Variants in ABCB4 observed in about 807,000 individuals in gnomAD.
ABCB4 encodes the protein ATP binding cassette subfamily B member 4, also known as phosphatidylcholine translocator ABCB4.
In ABCB4, 76 loss-of-function variants were observed where a neutral mutation model predicts 145.7. The ratio of observed to expected loss-of-function variants is 0.52; its 90% CI spans 0.43 to 0.63. The LOEUF is 0.63. Ranked by LOEUF, ABCB4 falls within the 30% of genes least tolerant of loss-of-function variation. The probability of loss-of-function intolerance (pLI) is 0.00; values close to 1 mark genes in which losing one functional copy is unlikely to be tolerated. For missense variants in ABCB4, 1,234 were observed against 1,553.1 expected (o/e 0.79, Z 3.45); for synonymous variants, 517 against 566.8 (o/e 0.91, Z 1.25).
At chr7:87,443,986 TA>T (rs1811171659) in intron 10 of ABCB4, among the ~76,000 whole-genome samples, 1 of 152,198 alleles carries the variant, frequency 6.6e-6, no homozygotes, top group Non-Finnish European at 1.5e-5. Flanking sequence ...GAAAAGTACG[TA>T]AGAGATATTC....
At chr7:87,434,277 C>T (rs1356958130) in intron 14 of ABCB4, among the ~76,000 whole-genome samples, 2 of 151,564 alleles carry the variant, frequency 1.3e-5, no homozygotes, top group South Asian at 2.1e-4. Flanking sequence ...TCTATGATAA[C>T]ACCATGATCA....
At chr7:87,392,321 T>C in the ABCB4 span, among the ~76,000 whole-genome samples, 2 of 152,222 alleles carry the variant, frequency 1.3e-5, no homozygotes, top group African/African-American at 4.8e-5. Context: ...CTTGTTAGTG[T>C]CACTTCAGTG....
At chr7:87,382,037 T>G in the ABCB4 span, 1 of 1,572,594 alleles carries the variant, frequency 6.4e-7, no homozygotes, top group Non-Finnish European at 8.7e-7. Context: ...CTAATAGTTC[T>G]ATAGATAAAA....
At chr7:87,420,122 A>C in intron 18 of ABCB4, 47 bp from the exon 19 acceptor site, 1 of 1,555,310 alleles carries the variant, frequency 6.4e-7, no homozygotes, top group East Asian at 2.2e-5. Context: ...TTATGTATGT[A>C]ATTGCACCAG....
the ABCB4 span, among the ~76,000 whole-genome samples, chr7:87,395,549 A>T: frequency 6.6e-6 from 1 of 152,234 alleles, no homozygotes; most frequent in African/African-American, 2.4e-5. Context: ...GTTTATGATC[A>T]GGACTGCCTT....
intron 21 of ABCB4, among the ~76,000 whole-genome samples, chr7:87,415,890 C>T (rs1171280701): frequency 6.6e-6 from 1 of 152,134 alleles, no homozygotes; most frequent in Non-Finnish European, 1.5e-5. Flanking sequence ...TCCAACTGAC[C>T]ATTCTCCCAT....
the ABCB4 span, among the ~76,000 whole-genome samples, chr7:87,394,695 A>G: frequency 3.9e-5 from 6 of 152,158 alleles, no homozygotes; most frequent in Admixed American, 3.9e-4. Flanking sequence ...ATAGCAAAAA[A>G]AATGCCTTTC....
downstream of ABCB4, among the ~76,000 whole-genome samples, chr7:87,400,052 G>C (rs1459662664): frequency 6.6e-6 from 1 of 152,024 alleles, no homozygotes; most frequent in East Asian, 1.9e-4. Flanking sequence ...CTCCTGACAT[G>C]GTCTCTGATC....
At chr7:87,439,976 A>C (rs1381243937) in intron 13 of ABCB4, 139 bp from the exon 14 acceptor site, 2 of 1,293,296 alleles carry the variant, frequency 1.5e-6, no homozygotes, top group Non-Finnish European at 2.1e-6. Context: ...AGATAAATGA[A>C]TTCTGAATTA....
chr7:87,373,794 A>C, the ABCB4 span, among the ~76,000 whole-genome samples: 1 of 152,122 alleles, frequency 6.6e-6, no homozygotes, highest in South Asian at 2.1e-4. Context: ...CCAGTGACAG[A>C]AATTTGGGAA....
chr7:87,425,378 G>A (rs1809735062), intron 16 of ABCB4, among the ~76,000 whole-genome samples: 1 of 152,136 alleles, frequency 6.6e-6, no homozygotes, highest in Non-Finnish European at 1.5e-5. Flanking sequence ...AGGGGAAATT[G>A]CTTATCTGAC....
At chr7:87,446,500 ATT>A (rs1232970988) in intron 9 of ABCB4, among the ~76,000 whole-genome samples, 1 of 152,216 alleles carries the variant, frequency 6.6e-6, no homozygotes, top group Non-Finnish European at 1.5e-5. Flanking sequence ...AGTAATTTTA[ATT>A]TTAAAAATTC....
chr7:87,423,130 G>T lies in ABCB4; in HGVS notation c.2211+776C>A, dbSNP rs577490598. Among the ~76,000 whole-genome samples the T allele has an allele frequency of 2.6e-5, 4 of 152,314 alleles. No homozygotes were observed. In the South Asian group the frequency reaches 8.3e-4, roughly 32 times the overall value. ...CACAAAAATAATAAACTCGTAACAT[G>T]ATGGAGAATTATTTATCCTCAACAA... On this transcript the variant is annotated intron_variant, in intron 17 of 27. Transcript: ENST00000649586.
chr7:87,460,620 T>TTTTATTTATTTA lies in ABCB4; in HGVS notation c.286+2137_286+2138insTAAATAAATAAA, dbSNP rs200679869. On this transcript the variant is annotated intron_variant, in intron 4 of 27. Transcript: ENST00000649586. ...CCATGTTGCTGGAAAGGACACAATT[T>TTTTATTTATTTA]TGTATTTATTTATTTATTTATTTAT... Among the ~76,000 whole-genome samples, 6 of 146,438 alleles carry TTTTATTTATTTA rather than the reference T, an allele frequency of 4.1e-5. No individual in the cohort carries two copies. In the South Asian group the frequency reaches 6.4e-4, roughly 16 times the overall value.
the ABCB4 span, among the ~76,000 whole-genome samples, chr7:87,395,116 A>G: frequency 1.1e-4 from 16 of 152,188 alleles, no homozygotes; most frequent in Admixed American, 7.2e-4. Flanking sequence ...CACGATCACA[A>G]GGTCCCACAA....
the ABCB4 span, among the ~76,000 whole-genome samples, chr7:87,366,368 T>C: frequency 1.1e-4 from 17 of 151,990 alleles, no homozygotes; most frequent in Non-Finnish European, 2.4e-4. Flanking sequence ...GAAAAAAAAA[T>C]GCCTTCAGGT....
At chr7:87,441,422 T>C (rs1038249279) in intron 12 of ABCB4, among the ~76,000 whole-genome samples, 118 of 151,054 alleles carry the variant, frequency 7.8e-4, no homozygotes, top group African/African-American at 2.8e-3. Context: ...AAGTTGACCA[T>C]TTCTTGAAAC....
the ABCB4 span, among the ~76,000 whole-genome samples, chr7:87,389,073 A>T: frequency 6.6e-6 from 1 of 152,252 alleles, no homozygotes; most frequent in Non-Finnish European, 1.5e-5. Flanking sequence ...TCACAATGAG[A>T]TACCATCTTA....
chr7:87,439,639 G>T, intron 14 of ABCB4, 28 bp downstream of exon 14: 1 of 1,613,614 alleles, frequency 6.2e-7, no homozygotes, highest in Admixed American at 1.7e-5. Context: ...CAATGTGGTG[G>T]TCCTTCAGCT....
Sources: gnomAD v4.1 joint callset for allele counts (sites outside exome capture counted in the v4.1 genomes callset) on GRCh38, gnomAD v4.1.1 for gene constraint, MANE v1.5 for transcripts, NCBI Gene and HGNC (gene_info 2026-07-23, HGNC 2026-07-21) for gene names.